ARID1A: variants seen among roughly 807,000 people sequenced by gnomAD.
ARID1A encodes the protein AT-rich interaction domain 1A, also known as AT-rich interactive domain-containing protein 1A.
ARID1A carries 20 observed loss-of-function variants against 212.6 expected under a neutral mutation model. The observed-to-expected ratio is 0.09, with a 90% CI of 0.07 to 0.14. The LOEUF (loss-of-function observed/expected upper bound fraction) is 0.14. Ranked by LOEUF, ARID1A falls within the 10% of genes least tolerant of loss-of-function variation. The pLI is 1.00. For missense variants in ARID1A, 2,587 were observed against 3,059.0 expected, an observed-to-expected ratio of 0.85 and a Z score of 3.64; for synonymous variants, 1,376 against 1,222.1, an observed-to-expected ratio of 1.13 and a Z score of -2.63.
At chr1:26,722,380 G>C (rs772506223) in intron 1 of ARID1A, among the ~76,000 whole-genome samples, 12 of 152,070 alleles carry the variant, frequency 7.9e-5, no homozygotes, top group Non-Finnish European at 1.5e-4. Context: ...CGAGTAGCTG[G>C]GATTACAGGC....
rs1375676587 is a variant in ARID1A, at chr1:26,760,993, C to A, written c.2058C>A (p.Ser686=). Residue 686 remains serine, a synonymous_variant, in exon 5 of 20, where the codon TCC becomes TCA. Coordinates refer to ENST00000324856, the MANE Select transcript of ARID1A (RefSeq NM_006015.6). Reference sequence around the variant, plus strand: ...AGTCTCCTTTCTCTCCTCATACCTCCCCTCACCTGCCTGGCATCCGAGGCC... The same window carrying A: ...AGTCTCCTTTCTCTCCTCATACCTCACCTCACCTGCCTGGCATCCGAGGCC... The part of the protein sequence containing the change: ...PAQSPFSPHT[S]PHLPGIRGPS... The A allele has an allele frequency of 6.2e-7, 1 of 1,614,064 alleles. No homozygotes were observed.
rs753644260 is a variant in ARID1A at position 26,697,105 on chromosome 1, G to C, written c.702G>C (p.Pro234=). 2 of 1,461,662 alleles carry C rather than the reference G, an allele frequency of 1.4e-6. No homozygotes were observed. The highest frequency in any genetic ancestry group is 1.5e-5 in the African/African-American group (1 of 67,272). The allele number at this position is 1,461,662 out of a possible 1,614,324, so 90.5% of individuals were successfully genotyped here. Residue 234 remains proline, a synonymous_variant, in exon 1 of 20, where the codon CCG becomes CCC. Coordinates refer to ENST00000324856, the MANE Select transcript of ARID1A (RefSeq NM_006015.6). The stretch of plus-strand genomic sequence containing the variant: ...CCCCGGCCTACGCGCTGAGCTCCCC[G>C]AGAGGTGGCACTCCGGGCTCCGGCG... ...PPAPAYALSS[P]RGGTPGSGAA...
chr1:26,727,863 G>A (rs1455254282), intron 1 of ARID1A: 1 of 152,216 alleles, frequency 6.6e-6, no homozygotes, highest in Non-Finnish European at 1.5e-5. Flanking sequence ...TATGTGGCAT[G>A]ATATGGCCAT....
At chr1:26,776,654 G>GA (rs2081139417) in intron 19 of ARID1A, among the ~76,000 whole-genome samples, 1 of 152,202 alleles carries the variant, frequency 6.6e-6, no homozygotes, top group Non-Finnish European at 1.5e-5. Context: ...GAAAGAGTTT[G>GA]TGCTGCATCA....
chr1:26,725,183 G>T (rs193211656), intron 1 of ARID1A, among the ~76,000 whole-genome samples: 1 of 152,194 alleles, frequency 6.6e-6, no homozygotes, highest in African/African-American at 2.4e-5. Context: ...TGGAATCTCT[G>T]GCTTTTTGCA....
intron 4 of ARID1A, among the ~76,000 whole-genome samples, chr1:26,749,199 G>A (rs112857698): frequency 5.9e-5 from 9 of 152,102 alleles, no homozygotes; most frequent in African/African-American, 1.9e-4. Context: ...TCTGGGGTCT[G>A]TGGGTCTGTC....
Position 26,775,213 on chromosome 1 carries a change from A to G in ARID1A, c.4986A>G (p.Lys1662=), listed in dbSNP as rs1553153328. Residue 1662 remains lysine, a synonymous_variant, in exon 18 of 20, where the codon AAA becomes AAG. Transcript: ENST00000324856. ...AGCAGAGGAGGCGGCTCACAATGAA[A>G]GACATTGGTAAGGAGATCTTCCTCA... ...VLKQRRRLTM[K]DIGTPEAWRV... is the part of the protein sequence containing the mutation. 1 of 1,586,222 alleles carries G rather than the reference A, an allele frequency of 6.3e-7. No individual in the cohort carries two copies. Among genetic ancestry groups the G allele is most frequent in the Non-Finnish European group, 8.6e-7 (1 of 1,167,124 alleles).
intron 1 of ARID1A, among the ~76,000 whole-genome samples, chr1:26,711,025 A>G (rs956791935): frequency 6.6e-6 from 1 of 151,758 alleles, no homozygotes; most frequent in African/African-American, 2.4e-5. Flanking sequence ...GGTGACAGTC[A>G]TTTTCCTGGC....
chr1:26,747,870 G>A (rs1288356775), intron 4 of ARID1A, among the ~76,000 whole-genome samples: 1 of 151,842 alleles, frequency 6.6e-6, no homozygotes, highest in East Asian at 1.9e-4. Context: ...AAATAATATA[G>A]GTCAATGTTC....
intron 4 of ARID1A, among the ~76,000 whole-genome samples, chr1:26,738,062 C>T (rs2080751474): frequency 6.6e-6 from 1 of 151,196 alleles, no homozygotes; most frequent in Non-Finnish European, 1.5e-5. Flanking sequence ...CTCACTCTGT[C>T]ACCCAGGCTG....
At chr1:26,718,706 T>TG (rs778701154) in intron 1 of ARID1A, among the ~76,000 whole-genome samples, 1 of 152,124 alleles carries the variant, frequency 6.6e-6, no homozygotes, top group Non-Finnish European at 1.5e-5. Flanking sequence ...TAGGGAATAA[T>TG]GACAAGAAAA....
rs760723895 is a variant in ARID1A at position 26,781,459 on chromosome 1, G to GA, written c.*715dup. On this transcript the variant is annotated 3_prime_UTR_variant, in exon 20 of 20. Transcript: ENST00000324856. ...AATGTTTTTAGTTAAACGTTGAGGA[G>GA]AAAAAAAAAAAAGGCTTTTCCCCCA... 3,541 of 192,244 alleles carry GA rather than the reference G, an allele frequency of 0.018. 3 individuals are homozygous for GA. Among genetic ancestry groups the GA allele is most frequent in the Middle Eastern group, 0.031 (17 of 550 alleles). 11.9% of individuals were successfully genotyped at this position (192,244 alleles called of 1,614,324 possible). A position where few individuals can be genotyped will look rare whatever the true frequency, so the allele number is the denominator to read the frequency against.
chr1:26,720,645 A>G (rs1370125089), intron 1 of ARID1A, among the ~76,000 whole-genome samples: 13 of 152,108 alleles, frequency 8.5e-5, no homozygotes, highest in Non-Finnish European at 1.5e-5. Context: ...TGGGAGGCTG[A>G]AGCTGGCAGA....
Position 26,696,877 on chromosome 1 carries a change from G to A in ARID1A, c.474G>A (p.Pro158=), listed in dbSNP as rs1197881468. 2.9e-6 allele frequency: 4 copies of A among 1,360,142 alleles called. No homozygotes were observed. In the South Asian group the frequency reaches 5.7e-5, roughly 20 times the overall value. The allele number at this position is 1,360,142 out of a possible 1,614,324, so 84.3% of individuals were successfully genotyped here. A position where few individuals can be genotyped will look rare whatever the true frequency, so the allele number is the denominator to read the frequency against. Residue 158 remains proline (P), a synonymous_variant, in exon 1 of 20, where the codon CCG becomes CCA. Transcript: ENST00000324856. ...TCGGGCAACCCTACGGCCGGAGCCC[G>A]TCTGCCGTCGCCGCCGCCGCGGCCG... ...YGFGQPYGRS[P]SAVAAAAAAV...
rs115919529 is a variant in ARID1A at position 26,757,826 on chromosome 1, G to A, written c.1921-3030G>A. The stretch of plus-strand genomic sequence containing the variant: ...TGGGATTACAGGTGCCCACCACCAC[G>A]CCCGGGTTTTGCCATGTTGGCCAGG... On this transcript the variant is annotated intron_variant, in intron 4 of 19. Coordinates refer to ENST00000324856, the MANE Select transcript of ARID1A (RefSeq NM_006015.6). Among the ~76,000 whole-genome samples the A allele has an allele frequency of 6.2e-3, 946 of 152,102 alleles. 7 individuals carry two copies. Among genetic ancestry groups the A allele is most frequent in the Middle Eastern group, 0.024 (7 of 294 alleles).
At chr1:26,754,022 T>C (rs1365089081) in intron 4 of ARID1A, among the ~76,000 whole-genome samples, 1 of 152,114 alleles carries the variant, frequency 6.6e-6, no homozygotes, top group African/African-American at 2.4e-5. Flanking sequence ...TTAGTCAGGA[T>C]GGTCTCAGTC....
rs2081173946 is a variant in ARID1A, at chr1:26,779,782, A to C, written c.5884A>C (p.Lys1962Gln). 1.9e-6 allele frequency: 3 copies of C among 1,614,028 alleles called. No homozygotes were observed. Among genetic ancestry groups the C allele is most frequent in the African/African-American group, 1.3e-5 (1 of 74,908 alleles). Residue 1962 changes from lysine (K) to glutamine (Q), a missense_variant, in exon 20 of 20, where the codon AAG (lysine) becomes CAG (glutamine). By Grantham distance (53) the Lys-to-Gln change is moderately conservative (BLOSUM62 1). This residue lies in a region of ARID1A where 168 missense variants were observed against 321.0 expected (regional missense o/e 0.52). Coordinates refer to ENST00000324856, the MANE Select transcript of ARID1A (RefSeq NM_006015.6). ...GATCCTAGAGGACGAACCCCACAGT[A>C]AGGATGAGACCCCACTGTGTACCCT... ...IKILEDEPHS[K>Q]DETPLCTLLD...
chr1:26,715,306 G>A (rs2080492286), intron 1 of ARID1A, among the ~76,000 whole-genome samples: 1 of 152,168 alleles, frequency 6.6e-6, no homozygotes, highest in Non-Finnish European at 1.5e-5. Context: ...GTGCACACCT[G>A]GGTAAAGCTC....
At chr1:26,735,893 C>T (rs1002017445) in intron 4 of ARID1A, among the ~76,000 whole-genome samples, 6 of 152,162 alleles carry the variant, frequency 3.9e-5, no homozygotes, top group African/African-American at 1.2e-4. Flanking sequence ...TACTTTTCCC[C>T]TCAACTCCTC....
Sources: gnomAD v4.1 joint callset for allele counts (sites outside exome capture counted in the v4.1 genomes callset) on GRCh38, gnomAD v4.1.1 for gene constraint, gnomAD v4.1.1 regional missense constraint, MANE v1.5 for transcripts, NCBI Gene and HGNC (gene_info 2026-07-23, HGNC 2026-07-21) for gene names.